The following FAT3 variants were observed in gnomAD, a reference collection of about 807,000 sequenced individuals.
FAT3 encodes the protein FAT atypical cadherin 3.
A neutral mutation model predicts 310.2 loss-of-function variants in FAT3; 95 were observed. The observed-to-expected ratio is 0.31, with a 90% CI of 0.26 to 0.36. FAT3 has a LOEUF of 0.36. Among genes scored for constraint, FAT3 ranks in the 10% least tolerant of loss-of-function variants. FAT3 has a pLI of 1.00. For synonymous variants in FAT3, 2,314 were observed against 2,192.9 expected (o/e 1.06, Z -1.54); for missense variants, 5,408 against 5,715.6 (o/e 0.95, Z 1.74).
At chr11:92,582,489 TA>T (rs1938864805) in intron 3 of FAT3, among the ~76,000 whole-genome samples, 1 of 152,054 alleles carries the variant, frequency 6.6e-6, no homozygotes, top group African/African-American at 2.4e-5. Flanking sequence ...GAACCTCCTA[TA>T]TTTTAATTTG....
At chr11:92,247,014 C>T (rs1237473174) in intron 1 of FAT3, among the ~76,000 whole-genome samples, 3 of 151,998 alleles carry the variant, frequency 2.0e-5, no homozygotes, top group African/African-American at 7.2e-5. Flanking sequence ...TGAAAGTGAA[C>T]CAGTTTAGAG....
chr11:92,701,152 A>G (rs1189052504), intron 4 of FAT3, among the ~76,000 whole-genome samples: 16 of 152,192 alleles, frequency 1.1e-4, no homozygotes, highest in Non-Finnish European at 1.5e-5. Context: ...TCTATTTCAT[A>G]TCTGTCCTTC....
intron 3 of FAT3, among the ~76,000 whole-genome samples, chr11:92,560,082 A>G (rs1354657805): frequency 6.6e-6 from 1 of 152,176 alleles, no homozygotes; most frequent in African/African-American, 2.4e-5. Flanking sequence ...CTATCAGTCT[A>G]TGAGCATTTC....
intron 2 of FAT3, among the ~76,000 whole-genome samples, chr11:92,490,874 C>A (rs1328838708): frequency 6.6e-6 from 1 of 152,042 alleles, no homozygotes; most frequent in Non-Finnish European, 1.5e-5. Context: ...AGAAACCTTA[C>A]AAGATAGCTA....
intron 2 of FAT3, among the ~76,000 whole-genome samples, chr11:92,429,411 A>T (rs1228895472): frequency 1.3e-5 from 2 of 152,150 alleles, no homozygotes; most frequent in Non-Finnish European, 2.9e-5. Flanking sequence ...TGTGAATTTG[A>T]TCCTGTCATT....
intron 8 of FAT3, among the ~76,000 whole-genome samples, chr11:92,792,422 T>C (rs933544935): frequency 6.6e-6 from 1 of 152,144 alleles, no homozygotes; most frequent in African/African-American, 2.4e-5. Context: ...TATTCTGTTA[T>C]CAGCTGTGTA....
At chr11:92,856,016 T>G (rs1948970047) in intron 19 of FAT3, among the ~76,000 whole-genome samples, 1 of 149,028 alleles carries the variant, frequency 6.7e-6, no homozygotes, top group Non-Finnish European at 1.5e-5. Flanking sequence ...GGTCTTGTTC[T>G]GTTGCCCAGG....
chr11:92,590,908 T>A (rs1223009930), intron 3 of FAT3, among the ~76,000 whole-genome samples: 4 of 152,134 alleles, frequency 2.6e-5, no homozygotes, highest in African/African-American at 7.2e-5. Context: ...GCCTAAACTG[T>A]ACTAAGTCGA....
intron 4 of FAT3, among the ~76,000 whole-genome samples, chr11:92,756,999 A>T (rs1191414275): frequency 7.3e-6 from 1 of 136,136 alleles, no homozygotes; most frequent in Non-Finnish European, 1.5e-5. Flanking sequence ...ATCTCAGCTC[A>T]CTGCAACCTC....
rs531105790 is a variant in FAT3, at chr11:92,449,584, A to C, written c.3293-75050A>C. On this transcript the variant is annotated intron_variant, in intron 2 of 27. Transcript: ENST00000525166. Reference sequence around the variant, plus strand: ...CCAGGAGTGCATTTAGGGAACATACATCCTCATGAAAATCAGTGTAGGTTG... The same window carrying C: ...CCAGGAGTGCATTTAGGGAACATACCTCCTCATGAAAATCAGTGTAGGTTG... Among the ~76,000 whole-genome samples, 9 of 152,286 alleles carry C rather than the reference A, an allele frequency of 5.9e-5. No homozygotes were observed. In the East Asian group the frequency reaches 1.5e-3, roughly 26 times the overall value.
chr11:92,273,111 G>A (rs895831273), intron 1 of FAT3, among the ~76,000 whole-genome samples: 2 of 151,836 alleles, frequency 1.3e-5, no homozygotes, highest in African/African-American at 2.4e-5. Context: ...AATGAATCTC[G>A]GCCTATTCTA....
chr11:92,834,821 C>T, intron 14 of FAT3, 49 bp from the exon 15 acceptor site: 1 of 1,428,020 alleles, frequency 7.0e-7, no homozygotes, highest in Non-Finnish European at 9.6e-7. Context: ...GAATTGCTGA[C>T]CAGTGTTTTT....
At chr11:92,250,815 C>G (rs1865106992) in intron 1 of FAT3, among the ~76,000 whole-genome samples, 1 of 152,042 alleles carries the variant, frequency 6.6e-6, no homozygotes, top group Non-Finnish European at 1.5e-5. Context: ...TGTATTTTCT[C>G]TATAAGGGTA....
chr11:92,342,891 T>TC (rs763680851), intron 1 of FAT3, among the ~76,000 whole-genome samples: 12 of 152,156 alleles, frequency 7.9e-5, no homozygotes, highest in Non-Finnish European at 1.6e-4. Context: ...ACTTTTTTTT[T>TC]CTCTTATACC....
chr11:92,774,454 C>T (rs1591715198), intron 7 of FAT3, among the ~76,000 whole-genome samples: 1 of 152,162 alleles, frequency 6.6e-6, no homozygotes, highest in Non-Finnish European at 1.5e-5. Flanking sequence ...ATCTGTTTGA[C>T]AATAAAGTCA....
intron 4 of FAT3, among the ~76,000 whole-genome samples, chr11:92,743,034 C>T (rs1446388515): frequency 6.6e-6 from 1 of 152,162 alleles, no homozygotes; most frequent in African/African-American, 2.4e-5. Context: ...TAATTAAGCA[C>T]TTCTTAAAGT....
At chr11:92,773,373 T>G (rs1946508133) in intron 6 of FAT3, among the ~76,000 whole-genome samples, 1 of 152,192 alleles carries the variant, frequency 6.6e-6, no homozygotes, top group Admixed American at 6.5e-5. Context: ...TCTACTTCTT[T>G]CCCAATTTTA....
chr11:92,835,825 C>T (rs909061940), intron 15 of FAT3, among the ~76,000 whole-genome samples: 4 of 152,168 alleles, frequency 2.6e-5, no homozygotes, highest in Non-Finnish European at 5.9e-5. Flanking sequence ...CCAGGGGGAA[C>T]TCTGTCTAAC....
rs755798351 is a variant in FAT3, at chr11:92,354,094, T to G, written c.1982T>G (p.Leu661Arg). ...LRITATDGEN[L>R]ADPMSINISV... ...ATTACAGCAACTGATGGAGAGAATC[T>G]TGCAGACCCCATGTCTATTAACATT... The change falls in exon 2 of 28, where the codon CTT becomes CGT. Residue 661 changes from leucine to arginine, a missense_variant. By Grantham distance (102) the Leu-to-Arg change is moderately radical. Around this residue, in one of 5 missense-constraint regions of FAT3, gnomAD observed 4,588 missense variants for 4,809.8 expected, o/e 0.95. Transcript: ENST00000525166. The G allele has an allele frequency of 4.3e-6, 7 of 1,613,728 alleles. No homozygotes were observed. Among genetic ancestry groups the G allele is most frequent in the South Asian group, 1.1e-5 (1 of 91,078 alleles).
Sources: gnomAD v4.1 joint callset for allele counts (sites outside exome capture counted in the v4.1 genomes callset) on GRCh38, gnomAD v4.1.1 for gene constraint, gnomAD v4.1.1 regional missense constraint, MANE v1.5 for transcripts, NCBI Gene and HGNC (gene_info 2026-07-23, HGNC 2026-07-21) for gene names.